Variants in GAD2 observed in about 807,000 individuals in gnomAD.
The protein encoded by GAD2 is 65 kDa glutamic acid decarboxylase.
In GAD2, 22 loss-of-function variants were observed where a neutral mutation model predicts 80.1. The observed-to-expected ratio is 0.27, with a 90% CI of 0.20 to 0.39. The LOEUF is 0.39. Among genes scored for constraint, GAD2 ranks in the 10% least tolerant of loss-of-function variants. The probability of loss-of-function intolerance (pLI) is 1.00; values close to 1 mark genes in which losing one functional copy is unlikely to be tolerated. For missense variants in GAD2, 624 were observed against 738.4 expected, an observed-to-expected ratio of 0.85 and a Z score of 1.80; for synonymous variants, 274 against 256.9, an observed-to-expected ratio of 1.07 and a Z score of -0.64.
intron 3 of GAD2, chr10:26,218,249 G>C: frequency 5.1e-6 from 2 of 393,276 alleles, no homozygotes; most frequent in Non-Finnish European, 8.9e-6. Context: ...TTGGGATGGC[G>C]GGTGGCCGAC....
chr10:26,276,587 C>A (rs1353606536), intron 11 of GAD2, among the ~76,000 whole-genome samples: 1 of 151,906 alleles, frequency 6.6e-6, no homozygotes, highest in Non-Finnish European at 1.5e-5. Flanking sequence ...GGGGTTTCAC[C>A]ATTTTGGCCA....
In GAD2 at chr10:26,304,326, CTG is replaced by C. The variant is rs1834358961; in HGVS notation, c.*3369_*3370del. ...TGTTCTCAAATGCTAAATGCAAACA[CTG>C]TGTATTTATTAGTTAGGTGTGCCAA... On this transcript the variant is annotated 3_prime_UTR_variant, in exon 16 of 16. Coordinates refer to ENST00000376261, the MANE Select transcript of GAD2 (RefSeq NM_001134366.2). The C allele has an allele frequency of 6.6e-6, 1 of 152,618 alleles. No homozygotes were observed. Among genetic ancestry groups the C allele is most frequent in the Admixed American group, 6.5e-5 (1 of 15,272 alleles). 9.5% of individuals were successfully genotyped at this position (152,618 alleles called of 1,614,324 possible). A position where few individuals can be genotyped will look rare whatever the true frequency, so the allele number is the denominator to read the frequency against.
At chr10:26,246,050 A>C in intron 8 of GAD2, 50 bp downstream of exon 8, 1 of 1,481,354 alleles carries the variant, frequency 6.8e-7, no homozygotes, top group African/African-American at 1.4e-5. Context: ...CAAATTCCAC[A>C]CAAGTAGTGC....
chr10:26,220,609 T>C (rs1398079093), intron 4 of GAD2, among the ~76,000 whole-genome samples: 1 of 152,210 alleles, frequency 6.6e-6, no homozygotes, highest in East Asian at 1.9e-4. Flanking sequence ...AAAATTTTCC[T>C]ACCCCTCCTC....
At chr10:26,229,838 G>A (rs1261848063) in intron 7 of GAD2, 61 bp downstream of exon 7, 2 of 1,244,246 alleles carry the variant, frequency 1.6e-6, no homozygotes, top group African/African-American at 3.0e-5. Flanking sequence ...AGTTTAAGGA[G>A]TGATGGCTGG....
intron 8 of GAD2, among the ~76,000 whole-genome samples, chr10:26,259,950 C>T (rs1180474558): frequency 6.6e-6 from 1 of 152,156 alleles, no homozygotes; most frequent in South Asian, 2.1e-4. Context: ...TTCCGGAAGC[C>T]ACACATATTC....
intron 7 of GAD2, among the ~76,000 whole-genome samples, chr10:26,234,339 A>AG (rs576947006): frequency 2.0e-4 from 8 of 40,588 alleles, no homozygotes; most frequent in Admixed American, 7.1e-4. Context: ...AAAAAAAGAC[A>AG]AAAAAAAAAA....
chr10:26,256,257 T>TAG (rs1436587136), intron 8 of GAD2, among the ~76,000 whole-genome samples: 7 of 151,766 alleles, frequency 4.6e-5, no homozygotes, highest in South Asian at 2.1e-4. Flanking sequence ...ATTATATATA[T>TAG]ATATAGAGAG....
chr10:26,255,371 G>A (rs149608798), intron 8 of GAD2, among the ~76,000 whole-genome samples: 6 of 152,248 alleles, frequency 3.9e-5, no homozygotes, highest in Non-Finnish European at 8.8e-5. Context: ...GAGGGCAGAA[G>A]GCAATTTGCA....
rs1382174830 is a variant in GAD2 at position 26,302,400 on chromosome 10, A to G, written c.*1439A>G. ...TAAGATCCTTAGAATTCAAAATAGTATTTTTAAAACATCCTTCTTTCCCTG... is the reference window on the plus strand; with the variant it reads ...TAAGATCCTTAGAATTCAAAATAGTGTTTTTAAAACATCCTTCTTTCCCTG... On this transcript the variant is annotated 3_prime_UTR_variant, in exon 16 of 16. Coordinates refer to ENST00000376261, the MANE Select transcript of GAD2 (RefSeq NM_001134366.2). The G allele has an allele frequency of 1.3e-5, 2 of 152,198 alleles. No individual in the cohort carries two copies. The highest frequency in any genetic ancestry group is 1.9e-4 in the East Asian group (1 of 5,200). The allele number at this position is 152,198 out of a possible 1,614,324, so 9.4% of individuals were successfully genotyped here.
chr10:26,220,056 T>TG (rs1844433915), intron 4 of GAD2, among the ~76,000 whole-genome samples: 1 of 152,192 alleles, frequency 6.6e-6, no homozygotes, highest in African/African-American at 2.4e-5. Flanking sequence ...AACATTTATT[T>TG]GGGTGCATTC....
chr10:26,292,373 A>G, intron 13 of GAD2, 92 bp from the exon 14 acceptor site: 2 of 926,100 alleles, frequency 2.2e-6, no homozygotes, highest in Non-Finnish European at 3.5e-6. Flanking sequence ...CGGGGCTAAG[A>G]CAGAGACGGC....
At chr10:26,288,337 G>A (rs1834171875) in intron 13 of GAD2, among the ~76,000 whole-genome samples, 1 of 152,204 alleles carries the variant, frequency 6.6e-6, no homozygotes, top group Non-Finnish European at 1.5e-5. Context: ...ATATTAGGCA[G>A]CTACAAGAAG....
At chr10:26,267,264 C>T (rs1845083673) in intron 8 of GAD2, among the ~76,000 whole-genome samples, 1 of 152,164 alleles carries the variant, frequency 6.6e-6, no homozygotes, top group South Asian at 2.1e-4. Context: ...TGCAAAAATA[C>T]TATGGCAATT....
At chr10:26,251,526 A>ATAAG (rs998779656) in intron 8 of GAD2, among the ~76,000 whole-genome samples, 2 of 152,242 alleles carry the variant, frequency 1.3e-5, no homozygotes, top group African/African-American at 4.8e-5. Flanking sequence ...CGACAATGGG[A>ATAAG]TAAGTCCAAA....
At chr10:26,216,732 C>A, upstream of GAD2, 2 of 1,300,414 alleles carry the variant, frequency 1.5e-6, no homozygotes, top group East Asian at 5.4e-5. This position sits in a 1 kb window ranked among gnomAD's most constrained non-coding sequence, Gnocchi z 4.7. Context: ...CGGGCACGCA[C>A]GCGCGCGCAG....
intron 15 of GAD2, among the ~76,000 whole-genome samples, chr10:26,295,142 C>T (rs1010066995): frequency 2.6e-5 from 4 of 151,978 alleles, no homozygotes; most frequent in African/African-American, 7.2e-5. Context: ...TTTTAAATAT[C>T]ACTCTTCAAA....
At chr10:26,282,876 A>T (rs1348992559) in intron 12 of GAD2, among the ~76,000 whole-genome samples, 2 of 152,220 alleles carry the variant, frequency 1.3e-5, no homozygotes, top group Non-Finnish European at 2.9e-5. Context: ...TCAAAATGAG[A>T]TGAATGCATT....
chr10:26,275,528 G>A (rs1320088728), intron 11 of GAD2, among the ~76,000 whole-genome samples: 1 of 152,208 alleles, frequency 6.6e-6, no homozygotes, highest in Non-Finnish European at 1.5e-5. Flanking sequence ...AACCATATAT[G>A]AAGTCCTAAA....
Sources: allele counts gnomAD v4.1 joint callset (sites outside exome capture counted in the v4.1 genomes callset), GRCh38; gene constraint gnomAD v4.1.1; non-coding constraint Gnocchi (gnomAD v3.1); transcripts MANE v1.5; gene names NCBI Gene and HGNC (gene_info 2026-07-23, HGNC 2026-07-21).